Variants in FNTB observed in about 807,000 individuals in gnomAD.
FNTB encodes the protein farnesyltransferase, CAAX box, subunit beta, also known as protein farnesyltransferase subunit beta.
FNTB carries 27 observed loss-of-function variants against 59.4 expected under a neutral mutation model. The observed-to-expected ratio is 0.45, with a 90% confidence interval of 0.34 to 0.63. The LOEUF (loss-of-function observed/expected upper bound fraction) is 0.63, where lower values mean the gene tolerates loss of function less well. FNTB is among the 20% of genes least tolerant of loss of function. FNTB has a pLI of 0.02. For synonymous variants in FNTB, 230 were observed against 220.7 expected (o/e 1.04, Z -0.37); for missense variants, 449 against 559.6 (o/e 0.80, Z 1.99).
chr14:65,007,671 T>A lies in FNTB; in HGVS notation c.209+3358T>A, dbSNP rs1300593005. Among the ~76,000 whole-genome samples the A allele has an allele frequency of 1.3e-5, 2 of 152,238 alleles. No homozygotes were observed. The highest frequency in any genetic ancestry group is 4.8e-5 in the African/African-American group (2 of 41,456). ...TGACCATGCTTTTCATGGTTTTGTTTATTCATGTCTGCTTTCCCATGAAAA... is the reference window on the plus strand; with the variant it reads ...TGACCATGCTTTTCATGGTTTTGTTAATTCATGTCTGCTTTCCCATGAAAA... On this transcript the variant is annotated intron_variant, in intron 2 of 11. Coordinates refer to ENST00000246166, the MANE Select transcript of FNTB (RefSeq NM_002028.4). This position sits in a 1 kb window ranked among gnomAD's most constrained non-coding sequence, Gnocchi z 4.9.
chr14:65,008,663 G>A (rs1566866827), intron 2 of FNTB, among the ~76,000 whole-genome samples: 4 of 152,218 alleles, frequency 2.6e-5, no homozygotes, highest in African/African-American at 9.7e-5. Context: ...CAGGCAGAGG[G>A]AACAGCATGT....
chr14:65,033,051 G>T (rs1335258910), intron 7 of FNTB, among the ~76,000 whole-genome samples: 1 of 152,170 alleles, frequency 6.6e-6, no homozygotes, highest in African/African-American at 2.4e-5. Context: ...ACACGAATGG[G>T]AGAGAGGAGC....
In FNTB at chr14:65,054,583, A is replaced by G. The variant is rs1419817456; in HGVS notation, c.1076A>G (p.Asp359Gly). 6.2e-7 allele frequency: 1 copy of G among 1,613,002 alleles called. No homozygotes were observed. Among genetic ancestry groups the G allele is most frequent in the African/African-American group, 1.3e-5 (1 of 74,852 alleles). Residue 359 changes from aspartate (D) to glycine (G), a missense_variant, in exon 11 of 12, where the codon GAT becomes GGT. Asp to Gly is a moderately conservative substitution (Grantham distance 94, BLOSUM62 -1). This residue lies in a region of FNTB where 337 missense variants were observed against 479.1 expected (regional missense o/e 0.70). Transcript: ENST00000246166. This position sits in a 1 kb window ranked among gnomAD's most constrained non-coding sequence, Gnocchi z 4.4. ...GLLDKPGKSR[D>G]FYHTCYCLSG... The stretch of plus-strand genomic sequence containing the variant: ...GCTGCCTGTCCTTACAGGTCGCGTG[A>G]TTTCTACCACACCTGCTACTGCCTG...
At chr14:65,041,285 C>T (rs944675427) in intron 8 of FNTB, among the ~76,000 whole-genome samples, 5 of 152,196 alleles carry the variant, frequency 3.3e-5, no homozygotes, top group African/African-American at 9.7e-5. Flanking sequence ...CGAAACCAAA[C>T]TTTTATTACC....
chr14:65,041,624 C>T lies in FNTB; in HGVS notation c.822+705C>T, dbSNP rs148793722. ...ACCTCCTCTCCCTGAGTTCAGATGC[C>T]AGCCTCCCGTTATGCGGCCCATCGT... is the stretch of plus-strand genomic sequence containing the variant. On this transcript the variant is annotated intron_variant, in intron 8 of 11. Transcript: ENST00000246166. Among the ~76,000 whole-genome samples, 193 of 152,294 alleles carry T rather than the reference C, an allele frequency of 1.3e-3. 1 individual carries two copies. Among genetic ancestry groups the T allele is most frequent in the African/African-American group, 4.6e-3 (193 of 41,558 alleles).
rs10142987 is a variant in FNTB, at chr14:65,058,270, G to T, written c.1183-2911G>T. On this transcript the variant is annotated intron_variant, in intron 11 of 11. Transcript: ENST00000246166. Reference sequence around the variant, plus strand: ...AAAGGACTAGCATTTTTTTTTTTTCGGTTAGAGTTATGTCTAATTTACAGT... The same window carrying T: ...AAAGGACTAGCATTTTTTTTTTTTCTGTTAGAGTTATGTCTAATTTACAGT... Among the ~76,000 whole-genome samples the T allele has an allele frequency of 5.3e-4, 76 of 142,482 alleles. 2 individuals are homozygous for T. In the East Asian group the frequency reaches 0.012, roughly 23 times the overall value. The allele number at this position is 142,482 out of a possible 152,430, so 93.5% of individuals were successfully genotyped here.
At chr14:65,051,579 C>A (rs1188035074) in intron 9 of FNTB, among the ~76,000 whole-genome samples, 1 of 151,552 alleles carries the variant, frequency 6.6e-6, no homozygotes, top group East Asian at 2.0e-4. Context: ...CCATTGCCCT[C>A]CAACCTGGGC....
intron 4 of FNTB, among the ~76,000 whole-genome samples, chr14:65,021,275 A>G (rs930613238): frequency 3.3e-5 from 5 of 152,214 alleles, no homozygotes; most frequent in Admixed American, 6.5e-5. Flanking sequence ...GTAAGATTTA[A>G]AAATTGCCTT....
At chr14:64,989,243 T>G (rs1017470008) in intron 1 of FNTB, among the ~76,000 whole-genome samples, 5 of 138,968 alleles carry the variant, frequency 3.6e-5, no homozygotes, top group African/African-American at 1.4e-4. Flanking sequence ...GAGACCAACT[T>G]GGGCAACATA....
intron 11 of FNTB, among the ~76,000 whole-genome samples, chr14:65,059,428 C>G (rs1230718831): frequency 6.6e-6 from 1 of 151,890 alleles, no homozygotes; most frequent in Non-Finnish European, 1.5e-5. Flanking sequence ...CCATCTAGGT[C>G]TAGTATCTTT....
At chr14:65,034,006 A>G (rs951329651) in intron 7 of FNTB, among the ~76,000 whole-genome samples, 14 of 152,232 alleles carry the variant, frequency 9.2e-5, no homozygotes, top group Non-Finnish European at 1.8e-4. Flanking sequence ...ACCAGATGAT[A>G]TGCTGAGATC....
At chr14:65,051,064 AGCATGTGGCCT>A (rs1251268502) in intron 9 of FNTB, among the ~76,000 whole-genome samples, 2 of 152,254 alleles carry the variant, frequency 1.3e-5, no homozygotes, top group African/African-American at 4.8e-5. Context: ...AGTGTATCAA[AGCATGTGGCCT>A]GCAGCCAGCC....
At position 65,012,524 on chromosome 14, in the gene FNTB, G is replaced by GGT. The variant is rs1265619152; in HGVS notation, c.282+136_282+137dup. ...TTTGTTCTCTGTGGCTCTGGCAGGAGGTAGGGTGCTGTCACAGAGCTGGGA... is the reference window on the plus strand; with the variant it reads ...TTTGTTCTCTGTGGCTCTGGCAGGAGGTGTAGGGTGCTGTCACAGAGCTGGGA... On this transcript the variant is annotated intron_variant, in intron 3 of 11. Transcript: ENST00000246166. The surrounding 1 kb of genome is among the most constrained non-coding windows in gnomAD (Gnocchi z 5.0). 2 of 1,226,766 alleles carry GGT rather than the reference G, an allele frequency of 1.6e-6. No individual in the cohort carries two copies. The highest frequency in any genetic ancestry group is 3.0e-5 in the African/African-American group (2 of 66,274). 76.0% of individuals were successfully genotyped at this position (1,226,766 alleles called of 1,614,324 possible). A position where few individuals can be genotyped will look rare whatever the true frequency, so the allele number is the denominator to read the frequency against.
Position 65,037,402 on chromosome 14 carries a change from C to CTTTTTTTTTTTTTTTTT in FNTB, c.693-3388_693-3387insTTTTTTTTTTTTTTTTT. 1.6e-3 allele frequency among the ~76,000 whole-genome samples: 23 copies of CTTTTTTTTTTTTTTTTT among 14,532 alleles called. 1 individual carries two copies. Among genetic ancestry groups the CTTTTTTTTTTTTTTTTT allele is most frequent in the Non-Finnish European group, 2.8e-3 (20 of 7,200 alleles). The allele number at this position is 14,532 out of a possible 152,430, so 9.5% of individuals were successfully genotyped here. A position where few individuals can be genotyped will look rare whatever the true frequency, so the allele number is the denominator to read the frequency against. On this transcript the variant is annotated intron_variant, in intron 7 of 11. Transcript: ENST00000246166. ...ATAGGCGTGAGCCACCACGCCGGGC[C>CTTTTTTTTTTTTTTTTT]CTTTTTTTTTTTTTTTTTTTTTTTT...
Position 65,061,161 on chromosome 14 carries a change from A to C in FNTB, c.1183-20A>C, listed in dbSNP as rs1386368575. On this transcript the variant is annotated intron_variant, in intron 11 of 11. Coordinates refer to ENST00000246166, the MANE Select transcript of FNTB (RefSeq NM_002028.4). ...AGGACCACCGGGGTGATTAACTGGC[A>C]CCTTTTCTTCTCTTTGCAGCAGCCC... The C allele has an allele frequency of 1.2e-6, 2 of 1,613,366 alleles. No individual in the cohort carries two copies. Among genetic ancestry groups the C allele is most frequent in the Non-Finnish European group, 1.7e-6 (2 of 1,179,460 alleles).
Position 65,054,499 on chromosome 14 carries a change from T to C in FNTB, c.1068-76T>C, listed in dbSNP as rs1480987329. 2.1e-6 allele frequency: 3 copies of C among 1,428,588 alleles called. No individual in the cohort carries two copies. In the African/African-American group the frequency reaches 4.2e-5, roughly 20 times the overall value. The allele number at this position is 1,428,588 out of a possible 1,614,324, so 88.5% of individuals were successfully genotyped here. On this transcript the variant is annotated intron_variant, in intron 10 of 11. Transcript: ENST00000246166. The surrounding 1 kb of genome is among the most constrained non-coding windows in gnomAD (Gnocchi z 4.4). ...GGGACGTGTGATTGCACCAGTGGTC[T>C]CTGAATTGGTGTGGCTACATTTGTA...
chr14:65,017,306 G>A (rs2139531961), intron 4 of FNTB, among the ~76,000 whole-genome samples: 1 of 152,210 alleles, frequency 6.6e-6, no homozygotes, highest in South Asian at 2.1e-4. Flanking sequence ...CAGGATATTT[G>A]GAAAGTTTTC....
rs553785968 is a variant in FNTB, at chr14:65,044,964, T to C, written c.955+521T>C. Reference sequence around the variant, plus strand: ...TCGCCGTGTCTGACTGGCTGCAGAGTTGTCACTATTAGAAATGTTTTATTT... The same window carrying C: ...TCGCCGTGTCTGACTGGCTGCAGAGCTGTCACTATTAGAAATGTTTTATTT... On this transcript the variant is annotated intron_variant, in intron 9 of 11. Transcript: ENST00000246166. The surrounding 1 kb of genome is among the most constrained non-coding windows in gnomAD (Gnocchi z 5.5). Among the ~76,000 whole-genome samples the C allele has an allele frequency of 1.3e-5, 2 of 152,084 alleles. No individual in the cohort carries two copies. The highest frequency in any genetic ancestry group is 6.5e-5 in the Admixed American group (1 of 15,278).
At chr14:65,005,523 T>C (rs11621325) in intron 2 of FNTB, among the ~76,000 whole-genome samples, 23,638 of 71,444 alleles carry the variant, frequency 0.33, 2,703 homozygotes, top group African/African-American at 0.34. Context: ...CTCTCTCTCT[T>C]TCTCTTTCTC....
Sources: gnomAD v4.1 joint callset for allele counts (sites outside exome capture counted in the v4.1 genomes callset) on GRCh38, gnomAD v4.1.1 for gene constraint, gnomAD v4.1.1 regional missense constraint, Gnocchi (gnomAD v3.1) non-coding constraint, MANE v1.5 for transcripts, NCBI Gene and HGNC (gene_info 2026-07-23, HGNC 2026-07-21) for gene names.